The following NRG1 variants were observed in gnomAD, a reference collection of about 807,000 sequenced individuals.
NRG1 encodes pro-neuregulin-1, membrane-bound isoform.
A neutral mutation model predicts 63.8 loss-of-function variants in NRG1; 18 were observed. The ratio of observed to expected loss-of-function variants is 0.28; its 90% confidence interval spans 0.19 to 0.42. The LOEUF is 0.42. Among genes scored for constraint, NRG1 ranks in the 10% least tolerant of loss-of-function variants. The pLI is 1.00. For missense variants in NRG1, 762 were observed against 814.7 expected (o/e 0.94, Z 0.79); for synonymous variants, 302 against 301.3 (o/e 1.00, Z -0.02).
intron 1 of NRG1, among the ~76,000 whole-genome samples, chr8:32,049,523 C>A (rs1361377797): frequency 6.6e-6 from 1 of 152,160 alleles, no homozygotes; most frequent in African/African-American, 2.4e-5. Flanking sequence ...TTGAGAAATA[C>A]TATCTTCTTT....
chr8:32,043,400 GACAAA>G (rs1424189372), intron 1 of NRG1, among the ~76,000 whole-genome samples: 1 of 151,554 alleles, frequency 6.6e-6, no homozygotes, highest in Middle Eastern at 3.2e-3. Flanking sequence ...AACAAAATAA[GACAAA>G]ACAAAACAAA....
chr8:31,992,612 C>T (rs1451843819), intron 1 of NRG1, among the ~76,000 whole-genome samples: 3 of 151,964 alleles, frequency 2.0e-5, no homozygotes, highest in Admixed American at 2.0e-4. Flanking sequence ...TAGAAAGACT[C>T]ATCTTTTTCT....
At chr8:32,431,676 A>G (rs1378712486) in intron 1 of NRG1, among the ~76,000 whole-genome samples, 1 of 152,102 alleles carries the variant, frequency 6.6e-6, no homozygotes, top group South Asian at 2.1e-4. Flanking sequence ...TTTTCACAAC[A>G]CAAAATATTT....
intron 1 of NRG1, among the ~76,000 whole-genome samples, chr8:32,251,667 C>T (rs1307913169): frequency 6.6e-6 from 1 of 152,002 alleles, no homozygotes; most frequent in African/African-American, 2.4e-5. Context: ...AATTTACACT[C>T]CCAACAGTGT....
In NRG1 at chr8:32,605,678, C is replaced by A; in HGVS notation, c.395C>A (p.Ser132Ter). Residue 132 changes from serine (S) to a stop codon, truncating the protein, a stop_gained, in exon 3 of 12, where the codon TCA becomes TAA. Coordinates refer to ENST00000356819, the Ensembl canonical transcript of NRG1. LOFTEE classifies it high-confidence loss of function. The stretch of plus-strand genomic sequence containing the variant: ...TCTGCCAATATCACCATCGTGGAAT[C>A]AAACGGTAAGAGATACCTACGGTAT... 1 of 1,612,868 alleles carries A rather than the reference C, an allele frequency of 6.2e-7. No homozygotes were observed. Among genetic ancestry groups the A allele is most frequent in the South Asian group, 1.1e-5 (1 of 91,020 alleles).
chr8:31,918,408 T>A (rs1244839722), intron 1 of NRG1, among the ~76,000 whole-genome samples: 2 of 152,208 alleles, frequency 1.3e-5, no homozygotes, highest in Non-Finnish European at 2.9e-5. Context: ...GTTTTTAGCA[T>A]GAAGAGTTGT....
chr8:32,098,832 C>T (rs1830202415), intron 1 of NRG1: 1 of 152,142 alleles, frequency 6.6e-6, no homozygotes, highest in Admixed American at 6.6e-5. Flanking sequence ...GGCACAAAAC[C>T]CTGGAGCCTG....
intron 1 of NRG1, among the ~76,000 whole-genome samples, chr8:31,878,526 A>G (rs564725697): frequency 2.0e-5 from 3 of 152,286 alleles, no homozygotes; most frequent in South Asian, 2.1e-4. Flanking sequence ...GCAATATACT[A>G]TTTATCGATT....
intron 1 of NRG1, among the ~76,000 whole-genome samples, chr8:32,447,544 TAGTC>T (rs1417161558): frequency 6.6e-6 from 1 of 152,130 alleles, no homozygotes; most frequent in African/African-American, 2.4e-5. Context: ...TATATTCTCT[TAGTC>T]AGCAATGTTT....
chr8:31,741,134 G>A (rs374027297), intron 1 of NRG1, among the ~76,000 whole-genome samples: 72 of 152,010 alleles, frequency 4.7e-4, no homozygotes, highest in African/African-American at 1.7e-3. Flanking sequence ...ACCAAATATC[G>A]CATGTTCTCA....
chr8:31,820,898 A>G (rs1368398160), intron 1 of NRG1, among the ~76,000 whole-genome samples: 1 of 152,186 alleles, frequency 6.6e-6, no homozygotes, highest in Non-Finnish European at 1.5e-5. Flanking sequence ...CATGAGTGGT[A>G]TACGGAGGTA....
At chr8:32,772,045 A>G (rs1287281820), downstream of NRG1, among the ~76,000 whole-genome samples, 2 of 1,806 alleles carry the variant, frequency 1.1e-3, no homozygotes, top group African/African-American at 3.1e-3. Flanking sequence ...AAATATGTAT[A>G]TATATATATA....
chr8:32,218,708 A>G (rs190762581), intron 1 of NRG1, among the ~76,000 whole-genome samples: 1 of 152,310 alleles, frequency 6.6e-6, no homozygotes, highest in East Asian at 1.9e-4. Context: ...TCAAATGTTA[A>G]CTTTCTATGA....
chr8:31,946,532 T>A (rs1471832108), intron 1 of NRG1, among the ~76,000 whole-genome samples: 1 of 152,222 alleles, frequency 6.6e-6, no homozygotes, highest in Non-Finnish European at 1.5e-5. Context: ...TTAGATTTTT[T>A]AAACTGAATA....
intron 1 of NRG1, among the ~76,000 whole-genome samples, chr8:32,070,206 G>A (rs528638678): frequency 1.2e-4 from 18 of 152,168 alleles, no homozygotes; most frequent in African/African-American, 3.4e-4. Context: ...AAGTCAGAGC[G>A]GTACAAAATC....
chr8:32,588,226 T>C (rs1841962418), intron 1 of NRG1, among the ~76,000 whole-genome samples: 1 of 152,170 alleles, frequency 6.6e-6, no homozygotes, highest in South Asian at 2.1e-4. Context: ...CCCAGCCCTC[T>C]ACATGTTTTT....
intron 1 of NRG1, among the ~76,000 whole-genome samples, chr8:32,181,229 T>A (rs1243181914): frequency 6.6e-6 from 1 of 152,194 alleles, no homozygotes; most frequent in East Asian, 1.9e-4. Flanking sequence ...GAACTCCAGC[T>A]AGTTATTAGT....
At position 32,728,482 on chromosome 8, in the gene NRG1, C is replaced by T. The variant is rs542744218; in HGVS notation, c.632+404C>T. 3.0e-5 allele frequency: 30 copies of T among 985,158 alleles called. No homozygotes were observed. In the South Asian group the frequency reaches 1.2e-3, roughly 39 times the overall value. 61.0% of individuals were successfully genotyped at this position (985,158 alleles called of 1,614,324 possible). A position where few individuals can be genotyped will look rare whatever the true frequency, so the allele number is the denominator to read the frequency against. ...TGTTGCTTTCTTATCCCAGTGATCA[C>T]CTGCCAAATGAATAAGACAACAAAG... On this transcript the variant is annotated intron_variant, in intron 6 of 11. Coordinates refer to ENST00000356819, the Ensembl canonical transcript of NRG1.
chr8:31,758,194 T>A (rs1188558304), intron 1 of NRG1, among the ~76,000 whole-genome samples: 1 of 152,116 alleles, frequency 6.6e-6, no homozygotes, highest in Non-Finnish European at 1.5e-5. Flanking sequence ...TTTCTCCTAA[T>A]GTTATCCTTC....
Sources: allele counts gnomAD v4.1 joint callset (sites outside exome capture counted in the v4.1 genomes callset), GRCh38; gene constraint gnomAD v4.1.1; transcripts MANE v1.5; gene names NCBI Gene and HGNC (gene_info 2026-07-23, HGNC 2026-07-21).